Variants in DPP10 observed in about 807,000 individuals in gnomAD.
DPP10 encodes dipeptidyl peptidase like 10.
Under a neutral mutation model 120.9 loss-of-function variants are expected in DPP10, and 33 were observed. The ratio of observed to expected loss-of-function variants is 0.27; its 90% CI spans 0.21 to 0.37. The LOEUF is 0.37. Ranked by LOEUF, DPP10 falls within the 10% of genes least tolerant of loss-of-function variation. DPP10 has a pLI of 1.00. For synonymous variants in DPP10, 337 were observed against 326.1 expected (o/e 1.03, Z -0.36); for missense variants, 816 against 942.8 (o/e 0.87, Z 1.76).
intron 1 of DPP10, among the ~76,000 whole-genome samples, chr2:114,747,837 T>A (rs1389636186): frequency 1.3e-5 from 2 of 152,178 alleles, no homozygotes; most frequent in Non-Finnish European, 2.9e-5. Flanking sequence ...AGGGAACTTT[T>A]TTTTCTCATG....
chr2:115,444,405 G>C (rs708648), intron 3 of DPP10, among the ~76,000 whole-genome samples: 4,696 of 152,304 alleles, frequency 0.031, 102 homozygotes, highest in Non-Finnish European at 0.048. Flanking sequence ...AATTAAGAAA[G>C]TGAAGGGCAT....
intron 5 of DPP10, among the ~76,000 whole-genome samples, chr2:115,592,845 A>C (rs1370790258): frequency 6.6e-6 from 1 of 152,160 alleles, no homozygotes; most frequent in Non-Finnish European, 1.5e-5. Flanking sequence ...ACAGAGGCAA[A>C]ATTTTTCCCC....
intron 10 of DPP10, among the ~76,000 whole-genome samples, chr2:115,747,750 C>A (rs184448055): frequency 1.1e-3 from 170 of 152,186 alleles, no homozygotes; most frequent in Non-Finnish European, 1.9e-3. Flanking sequence ...CCTGCCACCA[C>A]GCCCAGCTAA....
rs1326718652 is a variant in DPP10, at chr2:114,642,510, G to A, written c.60+199672G>A. Reference sequence around the variant, plus strand: ...ACTTCATACAAGTAATCATTAAGCAGCTACTTGGTACTAAAGTTTCTCCCA... The same window carrying A: ...ACTTCATACAAGTAATCATTAAGCAACTACTTGGTACTAAAGTTTCTCCCA... On this transcript the variant is annotated intron_variant, in intron 1 of 25. Transcript: ENST00000410059. Among the ~76,000 whole-genome samples, 2 of 151,946 alleles carry A rather than the reference G, an allele frequency of 1.3e-5. 1 individual carries two copies. The highest frequency in any genetic ancestry group is 4.9e-5 in the African/African-American group (2 of 41,204).
intron 1 of DPP10, among the ~76,000 whole-genome samples, chr2:114,528,657 T>G (rs1425822296): frequency 6.6e-6 from 1 of 151,020 alleles, no homozygotes; most frequent in Non-Finnish European, 1.5e-5. Flanking sequence ...TTATTCAACA[T>G]TCATACTAGA....
chr2:115,622,009 G>A (rs933093370), intron 5 of DPP10, among the ~76,000 whole-genome samples: 2 of 152,108 alleles, frequency 1.3e-5, no homozygotes, highest in Non-Finnish European at 2.9e-5. Context: ...GCTTTATTGA[G>A]ATATAATTTA....
intron 1 of DPP10, among the ~76,000 whole-genome samples, chr2:115,116,066 C>T (rs1377778828): frequency 6.6e-6 from 1 of 152,118 alleles, no homozygotes; most frequent in Non-Finnish European, 1.5e-5. Context: ...TCATATTGTC[C>T]CACATATACT....
chr2:115,434,594 T>C (rs1482628342), intron 3 of DPP10, among the ~76,000 whole-genome samples: 1 of 142,656 alleles, frequency 7.0e-6, no homozygotes, highest in African/African-American at 2.5e-5. Context: ...GTACGTGTGA[T>C]AGTTTGATGC....
Position 114,841,762 on chromosome 2 carries a change from G to A in DPP10, c.60+398924G>A, listed in dbSNP as rs561699154. ...CCAGCACAGGATGGGGACATGGAAAGCCATGATTGGGAGCTATACAGAAAT... is the reference window on the plus strand; with the variant it reads ...CCAGCACAGGATGGGGACATGGAAAACCATGATTGGGAGCTATACAGAAAT... On this transcript the variant is annotated intron_variant, in intron 1 of 25. Coordinates refer to ENST00000410059, the MANE Select transcript of DPP10 (RefSeq NM_020868.6). Among the ~76,000 whole-genome samples the A allele has an allele frequency of 7.2e-5, 11 of 152,212 alleles. No individual in the cohort carries two copies. The South Asian group carries it at 2.3e-3, about 32-fold the overall frequency.
chr2:115,635,630 C>T (rs919493615), intron 5 of DPP10, among the ~76,000 whole-genome samples: 2 of 152,166 alleles, frequency 1.3e-5, no homozygotes, highest in African/African-American at 4.8e-5. Flanking sequence ...TAAGTAGTAG[C>T]CGCACCTGTT....
intron 1 of DPP10, among the ~76,000 whole-genome samples, chr2:114,812,779 C>T (rs1685295327): frequency 6.6e-6 from 1 of 151,786 alleles, no homozygotes; most frequent in Non-Finnish European, 1.5e-5. Flanking sequence ...ATAAGCATTC[C>T]AAGATGAAAA....
At chr2:114,908,314 T>C (rs897007350) in intron 1 of DPP10, among the ~76,000 whole-genome samples, 2 of 151,978 alleles carry the variant, frequency 1.3e-5, no homozygotes, top group Non-Finnish European at 2.9e-5. Flanking sequence ...ATGTTATTAT[T>C]GATACTGTTG....
chr2:115,317,129 C>CAAAGGAA (rs2061833472), intron 2 of DPP10, among the ~76,000 whole-genome samples: 1 of 152,052 alleles, frequency 6.6e-6, no homozygotes, highest in Non-Finnish European at 1.5e-5. Context: ...ACATATTCAT[C>CAAAGGAA]ACCCCAAAAG....
intron 4 of DPP10, among the ~76,000 whole-genome samples, chr2:115,524,587 C>T (rs939301098): frequency 6.6e-6 from 1 of 152,038 alleles, no homozygotes; most frequent in Non-Finnish European, 1.5e-5. Context: ...CAATCACTGG[C>T]CAGTTGCTGA....
At chr2:114,808,505 C>A (rs1466051010) in intron 1 of DPP10, among the ~76,000 whole-genome samples, 2 of 151,606 alleles carry the variant, frequency 1.3e-5, no homozygotes, top group African/African-American at 4.8e-5. Flanking sequence ...AAAGTGGGAA[C>A]ACTCTTGCCA....
At chr2:115,447,850 G>A (rs1276084560) in intron 3 of DPP10, among the ~76,000 whole-genome samples, 1 of 152,156 alleles carries the variant, frequency 6.6e-6, no homozygotes, top group Non-Finnish European at 1.5e-5. Context: ...AGTCAGTGAG[G>A]GTCAAGCATG....
At chr2:115,034,598 C>T (rs569906634) in intron 1 of DPP10, among the ~76,000 whole-genome samples, 1 of 152,312 alleles carries the variant, frequency 6.6e-6, no homozygotes, top group East Asian at 1.9e-4. Context: ...GCATAAAACT[C>T]AAGACCCTTC....
chr2:114,633,248 CTTT>C (rs35372708), intron 1 of DPP10, among the ~76,000 whole-genome samples: 1,251 of 71,738 alleles, frequency 0.017, 5 homozygotes, highest in East Asian at 0.045. Flanking sequence ...GTTTTTCTTT[CTTT>C]TTTTTTTTTT....
At chr2:114,497,209 A>G (rs1682638120) in intron 1 of DPP10, among the ~76,000 whole-genome samples, 2 of 128,676 alleles carry the variant, frequency 1.6e-5, no homozygotes, top group South Asian at 4.6e-4. Context: ...GCATGTGTAC[A>G]TATACGTGTG....
Sources: allele counts gnomAD v4.1 joint callset (sites outside exome capture counted in the v4.1 genomes callset), GRCh38; gene constraint gnomAD v4.1.1; transcripts MANE v1.5; gene names NCBI Gene and HGNC (gene_info 2026-07-23, HGNC 2026-07-21).